DISC1: variants seen among roughly 807,000 people sequenced by gnomAD.
The protein encoded by DISC1 is DISC1 scaffold protein, also known as disrupted in schizophrenia 1 protein.
Under a neutral mutation model 84.5 loss-of-function variants are expected in DISC1, and 57 were observed. The observed-to-expected ratio is 0.67, with a 90% CI of 0.55 to 0.84. The LOEUF (loss-of-function observed/expected upper bound fraction) is 0.84, where lower values mean the gene tolerates loss of function less well. Among genes scored for constraint, DISC1 ranks in the 40% least tolerant of loss-of-function variants. The pLI is 0.00. For synonymous variants in DISC1, 411 were observed against 415.2 expected, an observed-to-expected ratio of 0.99 and a Z score of 0.12; for missense variants, 1,000 against 1,057.8, an observed-to-expected ratio of 0.95 and a Z score of 0.76.
chr1:231,669,223 T>G (rs2062328725), intron 1 of DISC1, among the ~76,000 whole-genome samples: 1 of 152,144 alleles, frequency 6.6e-6, no homozygotes, highest in Non-Finnish European at 1.5e-5. Flanking sequence ...GGTCCTTAGA[T>G]GTCTTTATGT....
chr1:231,943,177 T>C (rs542049591), intron 9 of DISC1, among the ~76,000 whole-genome samples: 8 of 152,364 alleles, frequency 5.3e-5, no homozygotes, highest in Admixed American at 3.3e-4. Flanking sequence ...ACCTTGATGC[T>C]TTAAAATGTA....
intron 1 of DISC1, among the ~76,000 whole-genome samples, chr1:231,644,020 A>C (rs1224942398): frequency 6.6e-6 from 1 of 152,226 alleles, no homozygotes; most frequent in Non-Finnish European, 1.5e-5. Flanking sequence ...CATATGTGCT[A>C]GCTGCAATTC....
intron 9 of DISC1, among the ~76,000 whole-genome samples, chr1:231,921,055 C>T (rs572680602): frequency 5.3e-5 from 8 of 151,888 alleles, no homozygotes; most frequent in African/African-American, 7.2e-5. Flanking sequence ...TACAGGCATG[C>T]GCCACCAAGC....
intron 12 of DISC1, among the ~76,000 whole-genome samples, chr1:232,026,789 C>A (rs1238347630): frequency 1.2e-4 from 13 of 107,954 alleles, no homozygotes; most frequent in Non-Finnish European, 2.4e-4. Flanking sequence ...TTTTTTGATG[C>A]CTTGGCTGGA....
chr1:231,821,875 T>G (rs80282467), intron 9 of DISC1, among the ~76,000 whole-genome samples: 15,823 of 151,908 alleles, frequency 0.1, 1,237 homozygotes, highest in East Asian at 0.35. Flanking sequence ...ATTTTTATAT[T>G]TTTTTAGTAG....
At position 231,954,218 on chromosome 1, in the gene DISC1, A is replaced by G. The variant is rs1192155073; in HGVS notation, c.1982-4610A>G. ...GCACTCCAGTGAGAAATCAGTGTTA[A>G]AGAGGCTGGTCCCACAGCTATCTCT... On this transcript the variant is annotated intron_variant, in intron 9 of 12. Transcript: ENST00000439617. This position sits in a 1 kb window ranked among gnomAD's most constrained non-coding sequence, Gnocchi z 4.8. 1.3e-5 allele frequency among the ~76,000 whole-genome samples: 2 copies of G among 152,162 alleles called. No homozygotes were observed. Among genetic ancestry groups the G allele is most frequent in the African/African-American group, 4.8e-5 (2 of 41,434 alleles).
At chr1:231,843,641 C>T (rs1199605664) in intron 9 of DISC1, among the ~76,000 whole-genome samples, 2 of 152,150 alleles carry the variant, frequency 1.3e-5, no homozygotes, top group Non-Finnish European at 1.5e-5. Flanking sequence ...TGAGAACCAA[C>T]AGGACTTGAG....
At chr1:231,841,333 T>C (rs1018181469) in intron 9 of DISC1, among the ~76,000 whole-genome samples, 1 of 152,256 alleles carries the variant, frequency 6.6e-6, no homozygotes, top group African/African-American at 2.4e-5. Context: ...CAAACCTACA[T>C]ACCTTCCAGG....
chr1:231,650,504 T>A (rs1352007491), intron 1 of DISC1, among the ~76,000 whole-genome samples: 14 of 152,224 alleles, frequency 9.2e-5, no homozygotes, highest in Admixed American at 9.2e-4. Flanking sequence ...ATTTTTTCCT[T>A]CATTTCAACC....
At position 231,851,107 on chromosome 1, in the gene DISC1, C is replaced by T. The variant is rs371766846; in HGVS notation, c.1981+32590C>T. On this transcript the variant is annotated intron_variant, in intron 9 of 12. Coordinates refer to ENST00000439617, the MANE Select transcript of DISC1 (RefSeq NM_018662.3). ...GGACGAGCACTTACTGAGCGCTTCT[C>T]CTGCACTTACTGTACATTCTCATCC... 1.8e-4 allele frequency among the ~76,000 whole-genome samples: 27 copies of T among 152,294 alleles called. 2 individuals carry two copies. Among genetic ancestry groups the T allele is most frequent in the African/African-American group, 6.3e-4 (26 of 41,564 alleles).
At chr1:231,730,971 A>G (rs2071438566) in intron 3 of DISC1, among the ~76,000 whole-genome samples, 1 of 152,174 alleles carries the variant, frequency 6.6e-6, no homozygotes, top group South Asian at 2.1e-4. Flanking sequence ...CAGAGTTTAC[A>G]TATTTTTAAA....
chr1:231,784,052 A>G (rs1168834145), intron 6 of DISC1, among the ~76,000 whole-genome samples: 1 of 152,130 alleles, frequency 6.6e-6, no homozygotes. Flanking sequence ...TCACGAGGTC[A>G]GGAGTTTGAG....
At chr1:231,740,190 T>G (rs1197870636) in intron 3 of DISC1, among the ~76,000 whole-genome samples, 1 of 152,182 alleles carries the variant, frequency 6.6e-6, no homozygotes, top group Non-Finnish European at 1.5e-5. Context: ...CTACCCAGTC[T>G]ATGGTACTCT....
At chr1:231,788,817 G>T (rs2078088820) in intron 6 of DISC1, among the ~76,000 whole-genome samples, 1 of 152,134 alleles carries the variant, frequency 6.6e-6, no homozygotes, top group African/African-American at 2.4e-5. Context: ...GGGAAATGGG[G>T]ATAAAGATGG....
At chr1:231,911,135 C>A (rs141159856) in intron 9 of DISC1, among the ~76,000 whole-genome samples, 14 of 152,120 alleles carry the variant, frequency 9.2e-5, no homozygotes, top group African/African-American at 3.4e-4. Context: ...ATCCAATTTG[C>A]CAGTCTGTGT....
chr1:231,754,823 C>T (rs952000154), intron 4 of DISC1, among the ~76,000 whole-genome samples: 1 of 152,108 alleles, frequency 6.6e-6, no homozygotes, highest in Admixed American at 6.5e-5. Flanking sequence ...AAAGTATAGG[C>T]CTTTATTAAA....
At chr1:231,971,850 TCAG>T (rs1662003183) in intron 10 of DISC1, among the ~76,000 whole-genome samples, 1 of 152,230 alleles carries the variant, frequency 6.6e-6, no homozygotes, top group Non-Finnish European at 1.5e-5. Flanking sequence ...GCAGGGACTT[TCAG>T]TTGTGCTTCT....
At chr1:231,861,085 G>A (rs1001250102) in intron 9 of DISC1, among the ~76,000 whole-genome samples, 15 of 152,116 alleles carry the variant, frequency 9.9e-5, no homozygotes, top group African/African-American at 3.6e-4. Context: ...TCCTGTGAAT[G>A]TCGGCACAGG....
intron 9 of DISC1, among the ~76,000 whole-genome samples, chr1:231,829,518 C>T (rs908869664): frequency 1.3e-5 from 2 of 152,094 alleles, no homozygotes; most frequent in Non-Finnish European, 2.9e-5. Context: ...GCATGTGCCA[C>T]CATGGCCTGG....
Sources: gnomAD v4.1 joint callset for allele counts (sites outside exome capture counted in the v4.1 genomes callset) on GRCh38, gnomAD v4.1.1 for gene constraint, Gnocchi (gnomAD v3.1) non-coding constraint, MANE v1.5 for transcripts, NCBI Gene and HGNC (gene_info 2026-07-23, HGNC 2026-07-21) for gene names.